PLBD1: variants seen among roughly 807,000 people sequenced by gnomAD.
PLBD1 encodes the protein phospholipase B domain containing 1.
A neutral mutation model predicts 63.0 loss-of-function variants in PLBD1; 60 were observed. The observed-to-expected ratio is 0.95, with a 90% CI of 0.77 to 1.18. PLBD1 has a LOEUF of 1.18. Among genes scored for constraint, PLBD1 ranks in the 50% most tolerant of loss-of-function variants. PLBD1 has a pLI of 0.00. For missense variants in PLBD1, 598 were observed against 677.9 expected (o/e 0.88, Z 1.31); for synonymous variants, 262 against 248.0 (o/e 1.06, Z -0.53).
At position 14,542,080 on chromosome 12, in the gene PLBD1, T is replaced by A. The variant is rs1416271090; in HGVS notation, c.419+128A>T. 18 of 700,742 alleles carry A rather than the reference T, an allele frequency of 2.6e-5. No homozygotes were observed. The East Asian group carries it at 3.8e-4, about 15-fold the overall frequency. 43.4% of individuals were successfully genotyped at this position (700,742 alleles called of 1,614,324 possible). A position where few individuals can be genotyped will look rare whatever the true frequency, so the allele number is the denominator to read the frequency against. The stretch of plus-strand genomic sequence containing the variant: ...ATTAGCAAAAAGTGCTATACCCTAC[T>A]ACAAGAATAACTCTAGAGTCCTGCT... On this transcript the variant is annotated intron_variant, in intron 3 of 10. Transcript: ENST00000240617.
intron 6 of PLBD1, among the ~76,000 whole-genome samples, chr12:14,530,514 T>G (rs1420196759): frequency 6.6e-6 from 1 of 152,204 alleles, no homozygotes; most frequent in Non-Finnish European, 1.5e-5. Context: ...TAAAAAACAT[T>G]TTGATTACAG....
intron 2 of PLBD1, among the ~76,000 whole-genome samples, chr12:14,551,458 A>G (rs1945658901): frequency 6.6e-6 from 1 of 152,220 alleles, no homozygotes. Context: ...TAGTGGATAA[A>G]GTTACTCAAG....
chr12:14,553,049 A>G (rs753698086), intron 2 of PLBD1, 144 bp downstream of exon 2: 2 of 792,728 alleles, frequency 2.5e-6, no homozygotes, highest in Non-Finnish European at 4.0e-6. Flanking sequence ...CAAAAATGCA[A>G]TTCTGATAAT....
chr12:14,566,967 C>A (rs1439077582), intron 1 of PLBD1, among the ~76,000 whole-genome samples: 1 of 151,972 alleles, frequency 6.6e-6, no homozygotes. Flanking sequence ...TGGTGGCTGA[C>A]GCCTGTAATC....
At chr12:14,509,513 G>C (rs562223468) in intron 8 of PLBD1, among the ~76,000 whole-genome samples, 1 of 152,152 alleles carries the variant, frequency 6.6e-6, no homozygotes, top group African/African-American at 2.4e-5. Context: ...AAGAAGGTAG[G>C]TCCACTGCTT....
chr12:14,524,577 A>G (rs1945402673), intron 6 of PLBD1, among the ~76,000 whole-genome samples: 1 of 152,210 alleles, frequency 6.6e-6, no homozygotes, highest in African/African-American at 2.4e-5. Flanking sequence ...ATTTCAAAAT[A>G]ACTATAAAAG....
chr12:14,524,202 G>C (rs1945399492), intron 6 of PLBD1, among the ~76,000 whole-genome samples: 1 of 152,134 alleles, frequency 6.6e-6, no homozygotes, highest in East Asian at 1.9e-4. Flanking sequence ...CAAAATTACA[G>C]TTAGATAGAA....
chr12:14,528,744 TAATA>T (rs1213144226), intron 6 of PLBD1, among the ~76,000 whole-genome samples: 1 of 152,024 alleles, frequency 6.6e-6, no homozygotes, highest in Admixed American at 6.6e-5. Flanking sequence ...AATTTTATCT[TAATA>T]AAGAAGAAAA....
chr12:14,504,600 A>C (rs1945236333), intron 10 of PLBD1, among the ~76,000 whole-genome samples: 1 of 152,222 alleles, frequency 6.6e-6, no homozygotes, highest in African/African-American at 2.4e-5. Flanking sequence ...TACTTCATAG[A>C]GTTGGCATGA....
intron 1 of PLBD1, among the ~76,000 whole-genome samples, chr12:14,566,862 G>A (rs1945789866): frequency 1.3e-5 from 2 of 151,100 alleles, no homozygotes; most frequent in African/African-American, 2.4e-5. Context: ...TTGGGAGGCC[G>A]AGGCAGGCGG....
chr12:14,544,040 T>C (rs547571544), intron 2 of PLBD1, among the ~76,000 whole-genome samples: 4 of 152,370 alleles, frequency 2.6e-5, no homozygotes, highest in Admixed American at 2.6e-4. Context: ...ATCAGCAATA[T>C]GCTTCCTGCT....
intron 8 of PLBD1, among the ~76,000 whole-genome samples, chr12:14,507,882 A>T (rs937369877): frequency 1.3e-5 from 2 of 152,168 alleles, no homozygotes; most frequent in African/African-American, 2.4e-5. Context: ...AATTTCAGAA[A>T]CATCCTGGAT....
intron 6 of PLBD1, among the ~76,000 whole-genome samples, chr12:14,527,035 G>A (rs1248606999): frequency 6.6e-6 from 1 of 152,092 alleles, no homozygotes. Flanking sequence ...ACAGACTTAA[G>A]CTGCATTTAT....
chr12:14,539,169 T>C (rs1192454111), intron 4 of PLBD1, among the ~76,000 whole-genome samples: 1 of 152,184 alleles, frequency 6.6e-6, no homozygotes, highest in Non-Finnish European at 1.5e-5. Context: ...CATCCATACA[T>C]TGGAACACTG....
intron 1 of PLBD1, among the ~76,000 whole-genome samples, chr12:14,555,816 T>A (rs181496617): frequency 1.3e-5 from 2 of 152,334 alleles, no homozygotes; most frequent in East Asian, 3.9e-4. Flanking sequence ...TTGCAGGGAA[T>A]GACTTCCTCT....
chr12:14,514,380 C>T (rs571185068), intron 6 of PLBD1, among the ~76,000 whole-genome samples: 8 of 152,284 alleles, frequency 5.3e-5, no homozygotes, highest in African/African-American at 1.4e-4. Context: ...GCTGTATTTC[C>T]GGAATGACAA....
intron 6 of PLBD1, among the ~76,000 whole-genome samples, chr12:14,523,069 C>T (rs1353327790): frequency 6.6e-6 from 1 of 152,008 alleles, no homozygotes; most frequent in Admixed American, 6.6e-5. Flanking sequence ...ATCAAACTGT[C>T]CCTGCTTCCA....
chr12:14,537,614 G>A (rs1003505550), intron 4 of PLBD1, among the ~76,000 whole-genome samples: 2 of 152,186 alleles, frequency 1.3e-5, no homozygotes, highest in Non-Finnish European at 2.9e-5. Context: ...ACTTGAACAT[G>A]AACTTTGTGC....
chr12:14,540,531 A>G (rs892524760), intron 4 of PLBD1, among the ~76,000 whole-genome samples: 2 of 152,182 alleles, frequency 1.3e-5, no homozygotes, highest in Non-Finnish European at 2.9e-5. Context: ...TCCTGAGCCC[A>G]GTATTATGGA....
Sources: allele counts gnomAD v4.1 joint callset (sites outside exome capture counted in the v4.1 genomes callset), GRCh38; gene constraint gnomAD v4.1.1; transcripts MANE v1.5; gene names NCBI Gene and HGNC (gene_info 2026-07-23, HGNC 2026-07-21).